SAMMSON: variants seen among roughly 807,000 people sequenced by gnomAD.
SAMMSON encodes survival associated mitochondrial melanoma specific oncogenic non-coding RNA.
At chr3:70,229,212 A>G (rs1237219225) in intron 4 of SAMMSON, among the ~76,000 whole-genome samples, 1 of 152,194 alleles carries the variant, frequency 6.6e-6, no homozygotes, top group Non-Finnish European at 1.5e-5. Context: ...AAGGTGTCAG[A>G]GGAGGAATGG....
At chr3:70,186,399 A>G (rs556780785) in intron 4 of SAMMSON, among the ~76,000 whole-genome samples, 1 of 152,030 alleles carries the variant, frequency 6.6e-6, no homozygotes, top group Non-Finnish European at 1.5e-5. Context: ...TTGGGACTAC[A>G]GGTGCATGCC....
chr3:70,360,479 G>A (rs930970725), intron 9 of SAMMSON, among the ~76,000 whole-genome samples: 1 of 152,052 alleles, frequency 6.6e-6, no homozygotes, highest in Non-Finnish European at 1.5e-5. Flanking sequence ...GGCACCAGGG[G>A]AAAGTAACGA....
chr3:70,363,043 T>C (rs903619533), intron 9 of SAMMSON, among the ~76,000 whole-genome samples: 44 of 151,908 alleles, frequency 2.9e-4, no homozygotes, highest in African/African-American at 1.0e-3. Context: ...AGATAGACCA[T>C]AGTAAAGACA....
chr3:70,417,967 G>A (rs550227496), intron 2 of SAMMSON, among the ~76,000 whole-genome samples: 15 of 152,300 alleles, frequency 9.8e-5, no homozygotes, highest in African/African-American at 3.1e-4. Flanking sequence ...GCCACAAGAA[G>A]AGGGAAGAGA....
chr3:70,375,064 C>T (rs1703002415), intron 9 of SAMMSON, among the ~76,000 whole-genome samples: 1 of 152,080 alleles, frequency 6.6e-6, no homozygotes, highest in African/African-American at 2.4e-5. Context: ...GTGTAAAGTC[C>T]AGAGTTTTTA....
At chr3:70,219,536 T>C (rs6802014) in intron 4 of SAMMSON, among the ~76,000 whole-genome samples, 49,494 of 151,942 alleles carry the variant, frequency 0.33, 10,469 homozygotes, top group Non-Finnish European at 0.47. Context: ...ATTGCAAGAA[T>C]AAGTTTGTAA....
intron 2 of SAMMSON, among the ~76,000 whole-genome samples, chr3:70,411,083 T>C (rs1261083532): frequency 1.3e-5 from 2 of 152,166 alleles, no homozygotes; most frequent in Admixed American, 1.3e-4. Context: ...AGACTTCAAT[T>C]CTTTTGAAGA....
At chr3:70,183,673 G>C (rs1467272280) in intron 4 of SAMMSON, 2 of 152,208 alleles carry the variant, frequency 1.3e-5, no homozygotes, top group Admixed American at 6.5e-5. Flanking sequence ...TGACAGAAAA[G>C]TAGCGCCAGC....
chr3:70,430,029 A>T (rs1701401187), intron 2 of SAMMSON, among the ~76,000 whole-genome samples: 1 of 152,210 alleles, frequency 6.6e-6, no homozygotes, highest in African/African-American at 2.4e-5. Flanking sequence ...GAGAGAGGGC[A>T]TCCTTGTCTT....
At chr3:70,125,739 C>T (rs1234114767) in intron 4 of SAMMSON, 10 of 674,292 alleles carry the variant, frequency 1.5e-5, no homozygotes, top group African/African-American at 5.4e-5. Flanking sequence ...GTGAAGGACA[C>T]GAAAGTATGT....
At chr3:70,331,613 G>A (rs1033841601) in intron 7 of SAMMSON, among the ~76,000 whole-genome samples, 1 of 152,204 alleles carries the variant, frequency 6.6e-6, no homozygotes, top group Non-Finnish European at 1.5e-5. Context: ...TGTCAGAGAT[G>A]TGCACTTTCA....
At chr3:70,405,871 T>A (rs1278483683) in intron 2 of SAMMSON, among the ~76,000 whole-genome samples, 3 of 152,082 alleles carry the variant, frequency 2.0e-5, no homozygotes, top group Non-Finnish European at 4.4e-5. Flanking sequence ...AGGATAAAAA[T>A]AAAACTATAT....
intron 4 of SAMMSON, chr3:70,126,615 CA>C (rs2067460008): frequency 5.5e-6 from 2 of 366,568 alleles, no homozygotes; most frequent in Non-Finnish European, 1.0e-5. Flanking sequence ...CTGGCATTTT[CA>C]AGCAAAAATT....
chr3:70,186,695 C>G (rs1701094702), intron 4 of SAMMSON, among the ~76,000 whole-genome samples: 1 of 152,120 alleles, frequency 6.6e-6, no homozygotes, highest in Admixed American at 6.5e-5. Context: ...AAAAAGGAGC[C>G]CCCAAGAAGC....
intron 6 of SAMMSON, among the ~76,000 whole-genome samples, chr3:70,265,901 C>T (rs182386468): frequency 8.4e-4 from 128 of 152,244 alleles, no homozygotes; most frequent in African/African-American, 2.9e-3. Context: ...GTCACGAGAA[C>T]GGCATGGGGG....
intron 4 of SAMMSON, among the ~76,000 whole-genome samples, chr3:70,240,870 A>G (rs1463032456): frequency 4.6e-5 from 7 of 152,176 alleles, no homozygotes; most frequent in Non-Finnish European, 8.8e-5. Flanking sequence ...CCATAAGATG[A>G]CAGAATTAGG....
intron 4 of SAMMSON, among the ~76,000 whole-genome samples, chr3:70,207,605 TAC>T (rs1701304917): frequency 6.6e-6 from 1 of 151,840 alleles, no homozygotes; most frequent in South Asian, 2.1e-4. Context: ...AAATCCTAGA[TAC>T]ACAGATTGAA....
chr3:70,396,132 C>T (rs4974287), intron 2 of SAMMSON, among the ~76,000 whole-genome samples: 114,693 of 152,014 alleles, frequency 0.75, 43,350 homozygotes, highest in African/African-American at 0.8. Context: ...GTGACTGGCA[C>T]ATAATAAGTG....
chr3:70,333,656 G>T (rs1702641442), intron 7 of SAMMSON, among the ~76,000 whole-genome samples: 2 of 152,102 alleles, frequency 1.3e-5, no homozygotes, highest in Admixed American at 1.3e-4. Flanking sequence ...ACCCAAAGTG[G>T]TCTTCTAATT....
Sources: allele counts gnomAD v4.1 joint callset (sites outside exome capture counted in the v4.1 genomes callset), GRCh38; gene constraint gnomAD v4.1.1; transcripts MANE v1.5; gene names NCBI Gene and HGNC (gene_info 2026-07-23, HGNC 2026-07-21).